Variants in NSA2 observed in about 807,000 individuals in gnomAD.
The protein encoded by NSA2 is NSA2 ribosome biogenesis factor, also known as ribosome biogenesis protein NSA2 homolog.
A neutral mutation model predicts 34.8 loss-of-function variants in NSA2; 18 were observed. The ratio of observed to expected loss-of-function variants is 0.52; its 90% CI spans 0.36 to 0.77. The LOEUF (loss-of-function observed/expected upper bound fraction) is 0.77, where lower values mean the gene tolerates loss of function less well. NSA2 is among the 30% of genes least tolerant of loss of function. The pLI is 0.00. For synonymous variants in NSA2, 79 were observed against 100.2 expected (o/e 0.79, Z 1.26); for missense variants, 188 against 314.7 (o/e 0.60, Z 3.05).
chr5:74,770,705 A>G lies in NSA2; in HGVS notation c.417A>G (p.Gly139=). ...AAGTATTAAAAGTTATTCGAACAGG[A>G]AAGAGAAAGAAGAAGGCATGGAAGA... ...ETEVLKVIRT[G]KRKKKAWKRM... The change falls in exon 4 of 6, where the codon GGA becomes GGG. Residue 139 remains glycine (G), a synonymous_variant. Transcript: ENST00000610426. 1.2e-6 allele frequency: 2 copies of G among 1,613,482 alleles called. No individual in the cohort carries two copies. Among genetic ancestry groups the G allele is most frequent in the Non-Finnish European group, 1.7e-6 (2 of 1,179,568 alleles).
At chr5:74,767,635 A>G (rs372687931) in intron 1 of NSA2, among the ~76,000 whole-genome samples, 3 of 152,206 alleles carry the variant, frequency 2.0e-5, no homozygotes, top group African/African-American at 7.2e-5. Flanking sequence ...TAAGAGTCCT[A>G]AAAATTCCTG....
Position 74,777,393 on chromosome 5 carries a change from T to TAA in NSA2, c.*723_*724dup, listed in dbSNP as rs1745173088. On this transcript the variant is annotated 3_prime_UTR_variant, in exon 6 of 6. Coordinates refer to ENST00000610426, the MANE Select transcript of NSA2 (RefSeq NM_014886.6). ...AAGAATTAGTTTAAGTAACTCCAGC[T>TAA]AAGTTTTAAAAGGAAAAAGAAGACT... 1 of 152,236 alleles carries TAA rather than the reference T, an allele frequency of 6.6e-6. No homozygotes were observed. The highest frequency in any genetic ancestry group is 2.4e-5 in the African/African-American group (1 of 41,578). 9.4% of individuals were successfully genotyped at this position (152,236 alleles called of 1,614,324 possible).
rs1745215862 is a variant in NSA2 at position 74,778,154 on chromosome 5, C to A, written c.*1483C>A. On this transcript the variant is annotated 3_prime_UTR_variant, in exon 6 of 6. Transcript: ENST00000610426. ...ACCAAAAATACTATCTTGTAAGGTA[C>A]AAAGAAAGCTTGATATTAAGTATGA... The A allele has an allele frequency of 6.6e-6, 1 of 151,716 alleles. No homozygotes were observed. Among genetic ancestry groups the A allele is most frequent in the Non-Finnish European group, 1.5e-5 (1 of 67,816 alleles). 9.4% of individuals were successfully genotyped at this position (151,716 alleles called of 1,614,324 possible).
At position 74,779,879 on chromosome 5, in the gene NSA2, A is replaced by C. The variant is rs1745325190; in HGVS notation, c.*3208A>C. 6.6e-6 allele frequency: 1 copy of C among 152,220 alleles called. No individual in the cohort carries two copies. Among genetic ancestry groups the C allele is most frequent in the Non-Finnish European group, 1.5e-5 (1 of 68,032 alleles). 9.4% of individuals were successfully genotyped at this position (152,220 alleles called of 1,614,324 possible). ...CATCAGCTTACTATAGACTGAATAC[A>C]CTTTCAACATCAGTCCTTAGCTACC... is the stretch of plus-strand genomic sequence containing the variant. On this transcript the variant is annotated 3_prime_UTR_variant, in exon 6 of 6. Coordinates refer to ENST00000610426, the MANE Select transcript of NSA2 (RefSeq NM_014886.6).
At chr5:74,771,880 AAAAG>A (rs879529854) in intron 4 of NSA2, among the ~76,000 whole-genome samples, 7 of 151,882 alleles carry the variant, frequency 4.6e-5, no homozygotes, top group Non-Finnish European at 8.8e-5. Context: ...GAAAAAAAGA[AAAAG>A]AAAATCTTTG....
Position 74,776,751 on chromosome 5 carries a change from C to G in NSA2, c.*80C>G. On this transcript the variant is annotated 3_prime_UTR_variant, in exon 6 of 6. Coordinates refer to ENST00000610426, the MANE Select transcript of NSA2 (RefSeq NM_014886.6). ...TTACTGTGATGTTTCTGAATACTAC[C>G]AAACAGCCATACATGTCTGCAATGA... The G allele has an allele frequency of 1.3e-6, 1 of 775,688 alleles. No individual in the cohort carries two copies. Among genetic ancestry groups the G allele is most frequent in the East Asian group, 2.5e-5 (1 of 40,370 alleles). 48.1% of individuals were successfully genotyped at this position (775,688 alleles called of 1,614,324 possible). A position where few individuals can be genotyped will look rare whatever the true frequency, so the allele number is the denominator to read the frequency against.
At chr5:74,773,029 T>C (rs1744995676) in intron 4 of NSA2, among the ~76,000 whole-genome samples, 1 of 152,180 alleles carries the variant, frequency 6.6e-6, no homozygotes, top group Non-Finnish European at 1.5e-5. Flanking sequence ...AAGCTGACAG[T>C]CCACTCCTTT....
intron 1 of NSA2, among the ~76,000 whole-genome samples, chr5:74,767,671 C>T (rs1231080153): frequency 1.3e-5 from 2 of 152,188 alleles, no homozygotes; most frequent in African/African-American, 4.8e-5. Context: ...TGGTTATCAG[C>T]CCCAGAGCCT....
rs552780225 is a variant in NSA2, at chr5:74,779,698, A to T, written c.*3027A>T. The T allele has an allele frequency of 2.0e-5, 3 of 152,294 alleles. No homozygotes were observed. In the South Asian group the frequency reaches 6.2e-4, roughly 32 times the overall value. The allele number at this position is 152,294 out of a possible 1,614,324, so 9.4% of individuals were successfully genotyped here. ...GTGCTTTAATTTTCATTTAGAATGA[A>T]ATAATCTGGCTTACCTTTGACTAAT... On this transcript the variant is annotated 3_prime_UTR_variant, in exon 6 of 6. Transcript: ENST00000610426.
Position 74,773,979 on chromosome 5 carries a change from G to C in NSA2, c.634G>C (p.Gly212Arg), listed in dbSNP as rs752626412. The C allele has an allele frequency of 6.2e-7, 1 of 1,613,998 alleles. No individual in the cohort carries two copies. The highest frequency in any genetic ancestry group is 1.1e-5 in the South Asian group (1 of 91,074). ...CTCATCCCCACTGTATACAACTTTG[G>C]GTGTTATTACCAAAGGTACTGTCAT... ...NPSSPLYTTL[G>R]VITKGTVIEV... is the part of the protein sequence containing the mutation. Residue 212 changes from glycine (G) to arginine (R), a missense_variant, in exon 5 of 6, where the codon GGT becomes CGT. Transcript: ENST00000610426.
Position 74,780,027 on chromosome 5 carries a change from A to G in NSA2, c.*3356A>G, listed in dbSNP as rs1745332674. On this transcript the variant is annotated 3_prime_UTR_variant, in exon 6 of 6. Coordinates refer to ENST00000610426, the MANE Select transcript of NSA2 (RefSeq NM_014886.6). ...AAGTGCAAATTTGAGTACACATAAT[A>G]TTTCCAAAGAGTAGAACTGTTTTTA... The G allele has an allele frequency of 6.6e-6, 1 of 152,136 alleles. No individual in the cohort carries two copies. The highest frequency in any genetic ancestry group is 2.1e-4 in the South Asian group (1 of 4,834). 9.4% of individuals were successfully genotyped at this position (152,136 alleles called of 1,614,324 possible).
intron 5 of NSA2, among the ~76,000 whole-genome samples, chr5:74,774,328 C>CAGCA (rs1561277864): frequency 6.6e-6 from 1 of 152,170 alleles, no homozygotes; most frequent in Non-Finnish European, 1.5e-5. Context: ...TAGCCAGGCA[C>CAGCA]AGCAGCTCAC....
intron 3 of NSA2, 156 bp downstream of exon 3, chr5:74,769,520 G>T: frequency 1.7e-6 from 1 of 574,930 alleles, no homozygotes; most frequent in South Asian, 4.7e-5. Context: ...TAAAAAACTT[G>T]CTTTCTCATC....
Position 74,777,299 on chromosome 5 carries a change from TAA to T in NSA2, c.*630_*631del, listed in dbSNP as rs1241617518. On this transcript the variant is annotated 3_prime_UTR_variant, in exon 6 of 6. Coordinates refer to ENST00000610426, the MANE Select transcript of NSA2 (RefSeq NM_014886.6). Reference sequence around the variant, plus strand: ...AATCATGAAAATGAAAAAAATATACTAAAGTCTTTGTACTCTCTTAGCATTTT... The same window carrying T: ...AATCATGAAAATGAAAAAAATATACTAGTCTTTGTACTCTCTTAGCATTTT... 3 of 152,160 alleles carry T rather than the reference TAA, an allele frequency of 2.0e-5. No individual in the cohort carries two copies. Among genetic ancestry groups the T allele is most frequent in the African/African-American group, 4.8e-5 (2 of 41,454 alleles). The allele number at this position is 152,160 out of a possible 1,614,324, so 9.4% of individuals were successfully genotyped here. A position where few individuals can be genotyped will look rare whatever the true frequency, so the allele number is the denominator to read the frequency against.
chr5:74,779,353 G>C lies in NSA2; in HGVS notation c.*2682G>C, dbSNP rs1469286755. On this transcript the variant is annotated 3_prime_UTR_variant, in exon 6 of 6. Coordinates refer to ENST00000610426, the MANE Select transcript of NSA2 (RefSeq NM_014886.6). ...ATATACTAAAATTAGAACAATACAG[G>C]GAAAATTAGCATGGCCCCTGTGCAA... 1 of 151,996 alleles carries C rather than the reference G, an allele frequency of 6.6e-6. No individual in the cohort carries two copies. The highest frequency in any genetic ancestry group is 2.4e-5 in the African/African-American group (1 of 41,398). 9.4% of individuals were successfully genotyped at this position (151,996 alleles called of 1,614,324 possible). A position where few individuals can be genotyped will look rare whatever the true frequency, so the allele number is the denominator to read the frequency against.
At chr5:74,769,925 G>T (rs1744861533) in intron 3 of NSA2, among the ~76,000 whole-genome samples, 1 of 152,152 alleles carries the variant, frequency 6.6e-6, no homozygotes, top group South Asian at 2.1e-4. Flanking sequence ...ATTTTGTCTT[G>T]CTAGTGATCT....
intron 3 of NSA2, 105 bp downstream of exon 3, chr5:74,769,469 T>C (rs889103924): frequency 1.2e-6 from 1 of 849,818 alleles, no homozygotes; most frequent in Non-Finnish European, 1.7e-6. Context: ...AGTACAGCTA[T>C]TATTCCCATT....
intron 4 of NSA2, among the ~76,000 whole-genome samples, chr5:74,773,538 C>A (rs143617842): frequency 2.0e-5 from 3 of 151,588 alleles, no homozygotes; most frequent in Non-Finnish European, 2.9e-5. Context: ...TACTCAGGAG[C>A]CTGAGGTGGG....
At chr5:74,769,188 C>T in intron 2 of NSA2, 26 bp from the exon 3 acceptor site, 1 of 1,594,408 alleles carries the variant, frequency 6.3e-7, no homozygotes, top group Non-Finnish European at 8.5e-7. Flanking sequence ...AACAGATAAT[C>T]TTGAATCTTT....
Sources: gnomAD v4.1 joint callset for allele counts (sites outside exome capture counted in the v4.1 genomes callset) on GRCh38, gnomAD v4.1.1 for gene constraint, MANE v1.5 for transcripts, NCBI Gene and HGNC (gene_info 2026-07-23, HGNC 2026-07-21) for gene names.